The following POU6F2 variants were observed in gnomAD, a reference collection of about 807,000 sequenced individuals.
POU6F2 encodes the protein POU domain, class 6, transcription factor 2.
A neutral mutation model predicts 71.3 loss-of-function variants in POU6F2; 31 were observed. The ratio of observed to expected loss-of-function variants is 0.43; its 90% confidence interval spans 0.33 to 0.59. The LOEUF (loss-of-function observed/expected upper bound fraction) is 0.59, where lower values mean the gene tolerates loss of function less well. POU6F2 is among the 20% of genes least tolerant of loss of function. The pLI is 0.04. For missense variants in POU6F2, 783 were observed against 856.8 expected (o/e 0.91, Z 1.07); for synonymous variants, 347 against 355.7 (o/e 0.98, Z 0.27).
chr7:39,089,164 G>A (rs998174297), intron 2 of POU6F2, among the ~76,000 whole-genome samples: 9 of 152,202 alleles, frequency 5.9e-5, no homozygotes, highest in Non-Finnish European at 1.0e-4. Context: ...AACTTGAACA[G>A]CCATGGAAAC....
At chr7:39,077,325 CT>C (rs35654548) in intron 1 of POU6F2, among the ~76,000 whole-genome samples, 50,444 of 151,984 alleles carry the variant, frequency 0.33, 8,600 homozygotes, top group South Asian at 0.45. Context: ...GCCAAAGAAG[CT>C]TGTAGAGGTT....
Position 39,262,495 on chromosome 7 carries a change from A to G in POU6F2, c.598+54875A>G, listed in dbSNP as rs529784881. Among the ~76,000 whole-genome samples the G allele has an allele frequency of 7.9e-5, 12 of 152,338 alleles. No individual in the cohort carries two copies. The East Asian group carries it at 2.3e-3, about 29-fold the overall frequency. On this transcript the variant is annotated intron_variant, in intron 4 of 9. Transcript: ENST00000518318. The stretch of plus-strand genomic sequence containing the variant: ...GGATCACTGTTCAACTCTTCATTCT[A>G]CAAATGCCGAACATGCAACAACTGC...
intron 5 of POU6F2, among the ~76,000 whole-genome samples, chr7:39,379,077 A>T (rs537817019): frequency 6.6e-6 from 1 of 152,140 alleles, no homozygotes; most frequent in Non-Finnish European, 1.5e-5. Flanking sequence ...CATTGATGGG[A>T]CCTAGAAGTG....
At chr7:39,362,671 A>T (rs1014909769) in intron 5 of POU6F2, among the ~76,000 whole-genome samples, 9 of 152,300 alleles carry the variant, frequency 5.9e-5, no homozygotes, top group South Asian at 4.1e-4. Flanking sequence ...TACAAATATT[A>T]AAAAAAGGCA....
intron 7 of POU6F2, among the ~76,000 whole-genome samples, chr7:39,444,119 A>G (rs1332119925): frequency 2.0e-5 from 3 of 152,214 alleles, no homozygotes; most frequent in Non-Finnish European, 4.4e-5. Flanking sequence ...TATCCAACAC[A>G]CTGATGATGA....
intron 1 of POU6F2, among the ~76,000 whole-genome samples, chr7:38,982,411 C>A (rs1788344133): frequency 6.6e-6 from 1 of 151,994 alleles, no homozygotes; most frequent in South Asian, 2.1e-4. Context: ...CATACTGGTG[C>A]TAGTATTCTT....
intron 9 of POU6F2, among the ~76,000 whole-genome samples, chr7:39,463,005 A>G (rs1318418159): frequency 1.3e-5 from 2 of 152,258 alleles, no homozygotes; most frequent in Non-Finnish European, 2.9e-5. Flanking sequence ...GTTTAGCTCT[A>G]TGAGAACAGA....
At chr7:39,147,749 C>G (rs1318707705) in intron 2 of POU6F2, among the ~76,000 whole-genome samples, 1 of 152,136 alleles carries the variant, frequency 6.6e-6, no homozygotes, top group Non-Finnish European at 1.5e-5. Flanking sequence ...ATCAACTTCT[C>G]TCAAACCAGA....
At chr7:39,412,840 G>T (rs1452636351) in intron 6 of POU6F2, among the ~76,000 whole-genome samples, 1 of 93,088 alleles carries the variant, frequency 1.1e-5, no homozygotes. Flanking sequence ...CTTGCTTCTT[G>T]CCCAGGCTGG....
At chr7:39,304,252 G>C (rs1225188012) in intron 4 of POU6F2, among the ~76,000 whole-genome samples, 2 of 152,164 alleles carry the variant, frequency 1.3e-5, no homozygotes, top group African/African-American at 2.4e-5. Context: ...GTAACGAAGG[G>C]GCTGTTGCAT....
At chr7:39,378,368 C>T (rs1786752102) in intron 5 of POU6F2, among the ~76,000 whole-genome samples, 1 of 152,186 alleles carries the variant, frequency 6.6e-6, no homozygotes, top group South Asian at 2.1e-4. Flanking sequence ...TATCCATGCT[C>T]CCCTGAATCC....
chr7:39,331,380 G>A (rs1040654599), intron 4 of POU6F2, among the ~76,000 whole-genome samples: 2 of 152,178 alleles, frequency 1.3e-5, no homozygotes, highest in Admixed American at 1.3e-4. Flanking sequence ...GTCTTAGTTT[G>A]AAATCCCACC....
intron 3 of POU6F2, among the ~76,000 whole-genome samples, chr7:39,205,290 A>G (rs1199055832): frequency 6.6e-6 from 1 of 151,946 alleles, no homozygotes; most frequent in Non-Finnish European, 1.5e-5. Context: ...TGCTTGTAAC[A>G]TTGTGTGTGT....
chr7:39,117,015 T>C (rs759007382), intron 2 of POU6F2, among the ~76,000 whole-genome samples: 1 of 152,218 alleles, frequency 6.6e-6, no homozygotes, highest in Non-Finnish European at 1.5e-5. Context: ...ATGGTGAGTC[T>C]GAGAGAGCTC....
At chr7:39,218,635 C>G (rs528881145) in intron 4 of POU6F2, among the ~76,000 whole-genome samples, 10 of 152,230 alleles carry the variant, frequency 6.6e-5, no homozygotes, top group African/African-American at 2.2e-4. Flanking sequence ...ATAGTAGGCA[C>G]TCCAATCTAG....
intron 8 of POU6F2, among the ~76,000 whole-genome samples, chr7:39,454,533 G>C (rs1788737881): frequency 6.6e-6 from 1 of 150,624 alleles, no homozygotes; most frequent in Non-Finnish European, 1.5e-5. Context: ...TAGGAACTCT[G>C]TGTCAAGAAG....
At chr7:39,190,916 T>C (rs1793651346) in intron 2 of POU6F2, among the ~76,000 whole-genome samples, 1 of 152,158 alleles carries the variant, frequency 6.6e-6, no homozygotes. Context: ...ATTACAGGCA[T>C]GAACCACCAC....
chr7:39,418,983 A>G (rs184379993), intron 6 of POU6F2, among the ~76,000 whole-genome samples: 3,428 of 136,760 alleles, frequency 0.025, 54 homozygotes, highest in African/African-American at 0.05. Flanking sequence ...ATGTATATAT[A>G]TGTGTATATA....
intron 7 of POU6F2, among the ~76,000 whole-genome samples, chr7:39,446,382 C>A (rs1788524565): frequency 6.6e-6 from 1 of 152,222 alleles, no homozygotes; most frequent in Non-Finnish European, 1.5e-5. Flanking sequence ...TGTTTATATG[C>A]ATTCACTTTT....
Sources: gnomAD v4.1 joint callset for allele counts (sites outside exome capture counted in the v4.1 genomes callset) on GRCh38, gnomAD v4.1.1 for gene constraint, MANE v1.5 for transcripts, NCBI Gene and HGNC (gene_info 2026-07-23, HGNC 2026-07-21) for gene names.